The following ZFYVE9 variants were observed in gnomAD, a reference collection of about 807,000 sequenced individuals.
The protein encoded by ZFYVE9 is zinc finger FYVE-type containing 9.
Under a neutral mutation model 126.7 loss-of-function variants are expected in ZFYVE9, and 43 were observed. The observed-to-expected ratio is 0.34, with a 90% CI of 0.27 to 0.44. The LOEUF (loss-of-function observed/expected upper bound fraction) is 0.44. Ranked by LOEUF, ZFYVE9 falls within the 20% of genes least tolerant of loss-of-function variation. ZFYVE9 has a pLI of 1.00. For synonymous variants in ZFYVE9, 521 were observed against 597.4 expected, an observed-to-expected ratio of 0.87 and a Z score of 1.87; for missense variants, 1,476 against 1,697.0, an observed-to-expected ratio of 0.87 and a Z score of 2.29.
intron 13 of ZFYVE9, among the ~76,000 whole-genome samples, chr1:52,311,511 C>T (rs930915034): frequency 3.9e-5 from 6 of 151,908 alleles, no homozygotes; most frequent in African/African-American, 7.3e-5. Context: ...GTGTTCTGTC[C>T]GCCTCAGCCT....
chr1:52,310,435 G>T (rs1295165796), intron 13 of ZFYVE9, among the ~76,000 whole-genome samples: 1 of 152,080 alleles, frequency 6.6e-6, no homozygotes, highest in Non-Finnish European at 1.5e-5. Flanking sequence ...TTAGCTGGGT[G>T]CCATAGTGAA....
At chr1:52,174,513 A>C (rs1011234153) in intron 1 of ZFYVE9, among the ~76,000 whole-genome samples, 1 of 152,128 alleles carries the variant, frequency 6.6e-6, no homozygotes, top group African/African-American at 2.4e-5. Context: ...GTAGATATCT[A>C]TTAGGTCTGC....
intron 7 of ZFYVE9, among the ~76,000 whole-genome samples, chr1:52,274,263 A>C (rs1206058505): frequency 6.6e-6 from 1 of 152,204 alleles, no homozygotes; most frequent in East Asian, 1.9e-4. Flanking sequence ...AGAAACTTAC[A>C]CATTTGAAAA....
chr1:52,267,520 A>G (rs931626135), intron 6 of ZFYVE9, among the ~76,000 whole-genome samples: 4 of 152,150 alleles, frequency 2.6e-5, no homozygotes, highest in Admixed American at 1.3e-4. Context: ...TCCCTTGGTA[A>G]TTAAAATCAG....
At chr1:52,154,927 T>C (rs1186823044) in intron 1 of ZFYVE9, among the ~76,000 whole-genome samples, 1 of 152,228 alleles carries the variant, frequency 6.6e-6, no homozygotes, top group Non-Finnish European at 1.5e-5. Context: ...GTTGGTCTTA[T>C]AGGATACCCC....
chr1:52,149,925 G>T (rs1199627344), intron 1 of ZFYVE9, among the ~76,000 whole-genome samples: 3 of 152,156 alleles, frequency 2.0e-5, no homozygotes, highest in African/African-American at 7.2e-5. Flanking sequence ...TTAATGAAAA[G>T]ATATGCATTT....
chr1:52,339,373 C>T (rs935380435), intron 16 of ZFYVE9, among the ~76,000 whole-genome samples: 2 of 151,974 alleles, frequency 1.3e-5, no homozygotes, highest in East Asian at 1.9e-4. Context: ...CTGCAACCTC[C>T]GCCTCCCAGG....
At chr1:52,162,182 C>T (rs1644468061) in intron 1 of ZFYVE9, 1 of 219,934 alleles carries the variant, frequency 4.5e-6, no homozygotes, top group South Asian at 8.4e-5. Context: ...ATTTCATTAT[C>T]AATAGTGTCT....
intron 4 of ZFYVE9, among the ~76,000 whole-genome samples, chr1:52,250,337 G>C (rs1219294784): frequency 6.6e-6 from 1 of 151,918 alleles, no homozygotes; most frequent in Non-Finnish European, 1.5e-5. Context: ...TTACCTCCTT[G>C]GTTAAGTTAA....
intron 14 of ZFYVE9, 141 bp from the exon 15 acceptor site, chr1:52,334,547 T>A (rs778942050): frequency 1.3e-6 from 1 of 744,522 alleles, no homozygotes; most frequent in Non-Finnish European, 2.2e-6. Flanking sequence ...GTTACATGTT[T>A]ATTGTGGAAT....
At chr1:52,196,602 A>G (rs771807034) in intron 1 of ZFYVE9, among the ~76,000 whole-genome samples, 15 of 152,182 alleles carry the variant, frequency 9.9e-5, no homozygotes, top group Non-Finnish European at 2.1e-4. Flanking sequence ...ACACCATTGC[A>G]CTCTAGCCTG....
chr1:52,337,947 CAT>C lies in ZFYVE9; in HGVS notation c.3833+14_3833+15del. 5 of 1,612,096 alleles carry C rather than the reference CAT, an allele frequency of 3.1e-6. No homozygotes were observed. The highest frequency in any genetic ancestry group is 4.2e-6 in the Non-Finnish European group (5 of 1,178,588). The stretch of plus-strand genomic sequence containing the variant: ...ACGTTAGCAAGGGGTAAATGCAGCA[CAT>C]GTCCCCCTTTGTGGCTTTTAGTTAT... On this transcript the variant is annotated intron_variant, in intron 16 of 18. Coordinates refer to ENST00000287727, the MANE Select transcript of ZFYVE9 (RefSeq NM_004799.4).
At chr1:52,266,937 C>T in intron 6 of ZFYVE9, 106 bp downstream of exon 6, 1 of 1,064,122 alleles carries the variant, frequency 9.4e-7, no homozygotes, top group Non-Finnish European at 1.3e-6. Context: ...GCAGATAAGT[C>T]TCTTTGGGTG....
intron 13 of ZFYVE9, among the ~76,000 whole-genome samples, chr1:52,330,116 C>T (rs1054687904): frequency 2.6e-5 from 4 of 151,572 alleles, no homozygotes; most frequent in African/African-American, 4.8e-5. Flanking sequence ...CGATGGCTCA[C>T]GCCTATAATC....
At chr1:52,246,889 G>C (rs1333234181) in intron 4 of ZFYVE9, among the ~76,000 whole-genome samples, 2 of 151,896 alleles carry the variant, frequency 1.3e-5, no homozygotes, top group Non-Finnish European at 2.9e-5. Flanking sequence ...TTTATTTTTA[G>C]TAGAGACGGG....
At chr1:52,203,163 G>T (rs1041033989) in intron 1 of ZFYVE9, among the ~76,000 whole-genome samples, 1 of 151,264 alleles carries the variant, frequency 6.6e-6, no homozygotes, top group Non-Finnish European at 1.5e-5. Context: ...TTACTCCTCC[G>T]TAGGTATAGT....
intron 1 of ZFYVE9, among the ~76,000 whole-genome samples, chr1:52,191,396 A>G (rs972263958): frequency 1.3e-5 from 2 of 152,172 alleles, no homozygotes; most frequent in Non-Finnish European, 2.9e-5. Flanking sequence ...TCATTCTTTC[A>G]ACAAATATGC....
At position 52,238,211 on chromosome 1, in the gene ZFYVE9, C is replaced by T. The variant is rs142702216; in HGVS notation, c.794C>T (p.Thr265Met). 84 of 1,613,930 alleles carry T rather than the reference C, an allele frequency of 5.2e-5. No homozygotes were observed. In the African/African-American group the frequency reaches 6.3e-4, roughly 12 times the overall value. Residue 265 changes from threonine to methionine, a missense_variant, in exon 4 of 19, where the codon ACG becomes ATG. Thr to Met is a moderately conservative substitution (Grantham distance 81, BLOSUM62 -1). Around this residue, in one of 2 missense-constraint regions of ZFYVE9, gnomAD observed 807 missense variants for 794.6 expected, o/e 1.02. Transcript: ENST00000287727. ...DPSMSAITSL[T>M]VDSVISSQGT... ...TCCATGTCTGCGATTACAAGTTTAA[C>T]GGTTGATTCAGTAATCTCATCCCAG...
intron 1 of ZFYVE9, among the ~76,000 whole-genome samples, chr1:52,165,884 A>G (rs1222237910): frequency 6.6e-6 from 1 of 152,202 alleles, no homozygotes; most frequent in Non-Finnish European, 1.5e-5. Flanking sequence ...TGTGTCATCA[A>G]TTATTGGAGG....
Sources: allele counts gnomAD v4.1 joint callset (sites outside exome capture counted in the v4.1 genomes callset), GRCh38; gene constraint gnomAD v4.1.1; regional missense constraint gnomAD v4.1.1; transcripts MANE v1.5; gene names NCBI Gene and HGNC (gene_info 2026-07-23, HGNC 2026-07-21).